Variants in C4orf50 observed in about 807,000 individuals in gnomAD.
C4orf50 encodes chromosome 4 open reading frame 50.
In C4orf50, 80 loss-of-function variants were observed where a neutral mutation model predicts 77.2. The ratio of observed to expected loss-of-function variants is 1.04; its 90% CI spans 0.87 to 1.25. The LOEUF (loss-of-function observed/expected upper bound fraction) is 1.25, where lower values mean the gene tolerates loss of function less well. Among genes scored for constraint, C4orf50 ranks in the 50% most tolerant of loss-of-function variants. The pLI, the probability that C4orf50 is intolerant of heterozygous loss-of-function variation, is 0.00. For synonymous variants in C4orf50, 532 were observed against 465.3 expected (o/e 1.14, Z -1.84); for missense variants, 1,257 against 1,152.9 (o/e 1.09, Z -1.31).
At chr4:6,011,000 G>A (rs1266849698) in intron 24 of C4orf50, among the ~76,000 whole-genome samples, 1 of 152,138 alleles carries the variant, frequency 6.6e-6, no homozygotes, top group Non-Finnish European at 1.5e-5. Context: ...CTTGCCCAAG[G>A]TCACACAGCT....
intron 32 of C4orf50, among the ~76,000 whole-genome samples, chr4:5,966,174 T>C (rs745968224): frequency 2.6e-5 from 4 of 152,232 alleles, no homozygotes; most frequent in Non-Finnish European, 5.9e-5. Flanking sequence ...GGCTTCATTT[T>C]CTTTTTAATA....
At position 6,015,215 on chromosome 4, in the gene C4orf50, TG is replaced by T. The variant is rs1722638941; in HGVS notation, c.287+2929del. Reference sequence around the variant, plus strand: ...AAGTTCCTTAGAATGTGATTATATTTGGAGATAAGCCCTTTCAAAGAGGCAA... The same window carrying T: ...AAGTTCCTTAGAATGTGATTATATTTGAGATAAGCCCTTTCAAAGAGGCAA... On this transcript the variant is annotated intron_variant, in intron 23 of 33. Transcript: ENST00000531445. This position sits in a 1 kb window ranked among gnomAD's most constrained non-coding sequence, Gnocchi z 4.4. 6.6e-6 allele frequency among the ~76,000 whole-genome samples: 1 copy of T among 152,112 alleles called. No individual in the cohort carries two copies. The highest frequency in any genetic ancestry group is 1.5e-5 in the Non-Finnish European group (1 of 68,032).
chr4:5,967,301 G>A (rs928135081), intron 32 of C4orf50, 113 bp downstream of exon 10: 2 of 831,812 alleles, frequency 2.4e-6, no homozygotes, highest in Non-Finnish European at 4.2e-6. Context: ...GTTCCTTTTA[G>A]TAGCATGAAT....
At chr4:6,004,104 G>C (rs111215908) in intron 25 of C4orf50, among the ~76,000 whole-genome samples, 708 of 17,124 alleles carry the variant, frequency 0.041, 1 homozygote, top group African/African-American at 0.06. Flanking sequence ...GGTGATGATG[G>C]TGATGGTGAT....
rs529821164 is a variant in C4orf50, at chr4:5,965,167, C to T, written c.4154-22G>A. 7.5e-6 allele frequency: 12 copies of T among 1,608,982 alleles called. No homozygotes were observed. In the East Asian group the frequency reaches 2.5e-4, roughly 33 times the overall value. ...TGAGCTGGAAGGGAAAATTCTCAGT[C>T]AAGCCTCCACCCAGGAACCTAGGTG... is the stretch of plus-strand genomic sequence containing the variant. On this transcript the variant is annotated intron_variant, in intron 32 of 33. Coordinates refer to ENST00000531445, the Ensembl canonical transcript of C4orf50.
chr4:5,983,305 C>G (rs1720697092), intron 28 of C4orf50, among the ~76,000 whole-genome samples: 1 of 152,226 alleles, frequency 6.6e-6, no homozygotes, highest in Non-Finnish European at 1.5e-5. Flanking sequence ...AAACAAGGGC[C>G]TGCAAGCCTT....
chr4:6,006,546 G>A (rs1420687071), intron 25 of C4orf50, among the ~76,000 whole-genome samples: 4 of 152,156 alleles, frequency 2.6e-5, no homozygotes, highest in Non-Finnish European at 4.4e-5. Flanking sequence ...AGGAAGATGC[G>A]AATATCACCT....
chr4:5,906,030 G>A (rs1716536523), intron 7 of C4orf50, among the ~76,000 whole-genome samples: 1 of 152,124 alleles, frequency 6.6e-6, no homozygotes, highest in Non-Finnish European at 1.5e-5. Context: ...AAGGAGGAGG[G>A]GTAACAGTGG....
chr4:5,959,710 A>C (rs1719168870), intron 33 of C4orf50, 84 bp from the exon 12 acceptor site: 1 of 1,486,996 alleles, frequency 6.7e-7, no homozygotes, highest in Non-Finnish European at 9.0e-7. Context: ...TCAAAGGAAG[A>C]GATGACAGTG....
chr4:5,991,530 T>G lies in C4orf50; in HGVS notation c.1222-706A>C, dbSNP rs60756929. Among the ~76,000 whole-genome samples the G allele has an allele frequency of 2.7e-3, 408 of 152,338 alleles. 3 individuals carry two copies. Among genetic ancestry groups the G allele is most frequent in the African/African-American group, 9.3e-3 (388 of 41,580 alleles). On this transcript the variant is annotated intron_variant, in intron 27 of 33. Coordinates refer to ENST00000531445, the Ensembl canonical transcript of C4orf50. ...TTTTTATCTTCACTTATGTGATGTGTTTATCCAGAGAGGAGGAGCCCAGCT... is the reference window on the plus strand; with the variant it reads ...TTTTTATCTTCACTTATGTGATGTGGTTATCCAGAGAGGAGGAGCCCAGCT...
intron 7 of C4orf50, among the ~76,000 whole-genome samples, chr4:5,946,974 T>A (rs891142418): frequency 1.3e-5 from 2 of 152,246 alleles, no homozygotes; most frequent in Non-Finnish European, 2.9e-5. Flanking sequence ...ATGGTGCTCT[T>A]GGCCAGTGCC....
chr4:5,952,135 C>G (rs1266522029), downstream of C4orf50, among the ~76,000 whole-genome samples: 1 of 152,110 alleles, frequency 6.6e-6, no homozygotes, highest in African/African-American at 2.4e-5. This position sits in a 1 kb window ranked among gnomAD's most constrained non-coding sequence, Gnocchi z 4.4. Context: ...TTCTAGGCAC[C>G]AGGGATGGAG....
chr4:5,920,353 T>C (rs1363883803), intron 7 of C4orf50, among the ~76,000 whole-genome samples: 1 of 152,128 alleles, frequency 6.6e-6, no homozygotes, highest in Non-Finnish European at 1.5e-5. Flanking sequence ...GTTGCGATGA[T>C]GAAGTGAGTT....
rs1250522252 is a variant in C4orf50 at position 6,017,971 on chromosome 4, CAGA to C, written c.287+171_287+173del. Among the ~76,000 whole-genome samples, 3 of 152,142 alleles carry C rather than the reference CAGA, an allele frequency of 2.0e-5. No homozygotes were observed. The highest frequency in any genetic ancestry group is 7.2e-5 in the African/African-American group (3 of 41,414). ...GGCAGCCTCATCTGCAGGTACAGAG[CAGA>C]AGAAGGAGGGCGGGAGGAGCAGAAG... On this transcript the variant is annotated intron_variant, in intron 23 of 33. Transcript: ENST00000531445. This position sits in a 1 kb window ranked among gnomAD's most constrained non-coding sequence, Gnocchi z 4.7.
At chr4:5,984,835 A>G (rs2108785130) in intron 28 of C4orf50, among the ~76,000 whole-genome samples, 1 of 150,588 alleles carries the variant, frequency 6.6e-6, no homozygotes, top group Admixed American at 6.6e-5. Flanking sequence ...ACAAAAATAC[A>G]CAAGTTCAAG....
intron 7 of C4orf50, among the ~76,000 whole-genome samples, chr4:5,924,560 G>T (rs1159668616): frequency 1.3e-5 from 2 of 152,150 alleles, no homozygotes; most frequent in African/African-American, 4.8e-5. Context: ...AGCATGAGCC[G>T]CTGTGAACCG....
chr4:5,964,930 T>G, intron 33 of C4orf50, 94 bp downstream of exon 11: 4 of 1,199,600 alleles, frequency 3.3e-6, no homozygotes, highest in East Asian at 2.5e-5. Context: ...GCTTTCTGGG[T>G]GTATATCGCT....
chr4:5,909,017 G>A (rs1413958306), intron 7 of C4orf50, among the ~76,000 whole-genome samples: 1 of 152,012 alleles, frequency 6.6e-6, no homozygotes, highest in Non-Finnish European at 1.5e-5. Context: ...CCTGCCTCAG[G>A]CTGTCCCCAC....
chr4:5,920,027 T>C (rs937409234), intron 7 of C4orf50, among the ~76,000 whole-genome samples: 2 of 152,220 alleles, frequency 1.3e-5, no homozygotes, highest in African/African-American at 2.4e-5. Context: ...TTAGGTATTA[T>C]AGTAATTATA....
Sources: gnomAD v4.1 joint callset for allele counts (sites outside exome capture counted in the v4.1 genomes callset) on GRCh38, gnomAD v4.1.1 for gene constraint, Gnocchi (gnomAD v3.1) non-coding constraint, MANE v1.5 for transcripts, NCBI Gene and HGNC (gene_info 2026-07-23, HGNC 2026-07-21) for gene names.